Variants in BCL2 observed in about 807,000 individuals in gnomAD.
BCL2 encodes the protein BCL2 apoptosis regulator, also known as apoptosis regulator Bcl-2.
A neutral mutation model predicts 14.2 loss-of-function variants in BCL2; 1 was observed. The ratio of observed to expected loss-of-function variants is 0.07; its 90% confidence interval spans 0.02 to 0.33. The LOEUF is 0.33. BCL2 is among the 10% of genes least tolerant of loss of function. The pLI is 0.99. For synonymous variants in BCL2, 151 were observed against 137.2 expected (o/e 1.10, Z -0.70); for missense variants, 247 against 305.9 (o/e 0.81, Z 1.44).
intron 2 of BCL2, among the ~76,000 whole-genome samples, chr18:63,184,063 T>A (rs530778538): frequency 5.3e-5 from 8 of 152,290 alleles, no homozygotes; most frequent in African/African-American, 1.9e-4. Flanking sequence ...AATCCTGAAG[T>A]GTTTGATTAC....
intron 2 of BCL2, among the ~76,000 whole-genome samples, chr18:63,261,369 A>G (rs1442532671): frequency 6.6e-6 from 1 of 151,760 alleles, no homozygotes; most frequent in African/African-American, 2.4e-5. Context: ...AACAAGGCAG[A>G]TGGAAGAAGA....
chr18:63,266,697 G>A (rs1438904168), intron 2 of BCL2, among the ~76,000 whole-genome samples: 1 of 150,196 alleles, frequency 6.7e-6, no homozygotes, highest in African/African-American at 2.5e-5. Flanking sequence ...TCAAAATCAG[G>A]AGCCACACAA....
intron 2 of BCL2, among the ~76,000 whole-genome samples, chr18:63,221,375 G>T (rs76773525): frequency 0.022 from 3,395 of 152,182 alleles, 118 homozygotes; most frequent in African/African-American, 0.078. Context: ...CCACTACAAG[G>T]ATGTGAAATT....
At chr18:63,129,680 G>A (rs1382736279) in intron 2 of BCL2, among the ~76,000 whole-genome samples, 1 of 152,242 alleles carries the variant, frequency 6.6e-6, no homozygotes, top group African/African-American at 2.4e-5. Context: ...ACAAGTGGCA[G>A]AGCCAGGCTT....
chr18:63,276,421 G>T (rs1189953607), intron 2 of BCL2, among the ~76,000 whole-genome samples: 1 of 152,182 alleles, frequency 6.6e-6, no homozygotes, highest in Non-Finnish European at 1.5e-5. Flanking sequence ...TGGCATTTAA[G>T]GGGTGGGGCC....
chr18:63,251,077 G>A (rs1028883856), intron 2 of BCL2, among the ~76,000 whole-genome samples: 1 of 151,884 alleles, frequency 6.6e-6, no homozygotes, highest in African/African-American at 2.4e-5. Context: ...TAATAATGTA[G>A]GTGCACATGG....
At chr18:63,146,098 G>C (rs1828335839) in intron 2 of BCL2, among the ~76,000 whole-genome samples, 1 of 151,734 alleles carries the variant, frequency 6.6e-6, no homozygotes, top group Non-Finnish European at 1.5e-5. Flanking sequence ...TTCCCTCCTT[G>C]TCTTGCATTT....
chr18:63,157,709 G>A (rs879369249), intron 2 of BCL2, among the ~76,000 whole-genome samples: 11 of 152,180 alleles, frequency 7.2e-5, no homozygotes, highest in Non-Finnish European at 1.3e-4. Flanking sequence ...AAGAGAAGGG[G>A]TGAGAAGCAG....
chr18:63,300,481 T>TGA (rs1290186317), intron 2 of BCL2, among the ~76,000 whole-genome samples: 1 of 151,976 alleles, frequency 6.6e-6, no homozygotes, highest in Non-Finnish European at 1.5e-5. Context: ...TGTGTGTGTG[T>TGA]GTGTGTGTGT....
At chr18:63,153,893 G>T (rs1479787597) in intron 2 of BCL2, among the ~76,000 whole-genome samples, 2 of 152,212 alleles carry the variant, frequency 1.3e-5, no homozygotes, top group African/African-American at 2.4e-5. Flanking sequence ...TCTGGGAAGG[G>T]CAGGCCTGAA....
chr18:63,309,731 T>C (rs777824917), intron 2 of BCL2, among the ~76,000 whole-genome samples: 3 of 152,202 alleles, frequency 2.0e-5, no homozygotes, highest in African/African-American at 7.2e-5. Context: ...CATCCTTCAG[T>C]AACCTCAGGG....
intron 2 of BCL2, among the ~76,000 whole-genome samples, chr18:63,135,021 T>G (rs553645773): frequency 3.9e-4 from 59 of 152,372 alleles, no homozygotes; most frequent in Non-Finnish European, 7.2e-4. Context: ...TATGTTCAGA[T>G]TCCCTGAATT....
At chr18:63,165,754 A>T (rs1915028577) in intron 2 of BCL2, among the ~76,000 whole-genome samples, 1 of 140,760 alleles carries the variant, frequency 7.1e-6, no homozygotes, top group Non-Finnish European at 1.5e-5. Flanking sequence ...ATTGAGCAAG[A>T]CTCTGTCCTC....
intron 2 of BCL2, among the ~76,000 whole-genome samples, chr18:63,289,888 A>G (rs1393260026): frequency 6.6e-6 from 1 of 152,210 alleles, no homozygotes; most frequent in Non-Finnish European, 1.5e-5. Context: ...GCGAGACTCC[A>G]CCTCAAGAAG....
intron 2 of BCL2, among the ~76,000 whole-genome samples, chr18:63,214,274 G>A (rs1472876725): frequency 6.6e-6 from 1 of 152,346 alleles, no homozygotes; most frequent in South Asian, 2.1e-4. Flanking sequence ...GACACCCAGT[G>A]AGGAGGGAAA....
chr18:63,244,982 C>T (rs1452329297), intron 2 of BCL2, among the ~76,000 whole-genome samples: 3 of 152,192 alleles, frequency 2.0e-5, no homozygotes, highest in Admixed American at 6.5e-5. Flanking sequence ...GCTAACTGCA[C>T]GTCCTAAAGG....
chr18:63,237,559 G>C (rs1910875741), intron 2 of BCL2, among the ~76,000 whole-genome samples: 1 of 152,164 alleles, frequency 6.6e-6, no homozygotes, highest in African/African-American at 2.4e-5. Flanking sequence ...AATATCCTCA[G>C]TGCCTCCTTT....
At chr18:63,237,464 G>A (rs1910872854) in intron 2 of BCL2, among the ~76,000 whole-genome samples, 1 of 152,202 alleles carries the variant, frequency 6.6e-6, no homozygotes, top group South Asian at 2.1e-4. Flanking sequence ...GTCCTGGCTA[G>A]AGACAGACGG....
intron 2 of BCL2, among the ~76,000 whole-genome samples, chr18:63,235,441 T>A (rs947693860): frequency 1.3e-5 from 2 of 152,314 alleles, no homozygotes; most frequent in South Asian, 4.1e-4. Flanking sequence ...CAACACAGCA[T>A]GGAAAATGTA....
Sources: gnomAD v4.1 joint callset for allele counts (sites outside exome capture counted in the v4.1 genomes callset) on GRCh38, gnomAD v4.1.1 for gene constraint, MANE v1.5 for transcripts, NCBI Gene and HGNC (gene_info 2026-07-23, HGNC 2026-07-21) for gene names.